Variants in SLC22A23 observed in about 807,000 individuals in gnomAD.
The protein encoded by SLC22A23 is ion transporter protein.
Under a neutral mutation model 61.0 loss-of-function variants are expected in SLC22A23, and 26 were observed. The ratio of observed to expected loss-of-function variants is 0.43; its 90% CI spans 0.31 to 0.59. SLC22A23 has a LOEUF of 0.59. Among genes scored for constraint, SLC22A23 ranks in the 20% least tolerant of loss-of-function variants. The probability of loss-of-function intolerance (pLI) is 0.11; values close to 1 mark genes in which losing one functional copy is unlikely to be tolerated. For missense variants in SLC22A23, 796 were observed against 934.7 expected (o/e 0.85, Z 1.94); for synonymous variants, 430 against 413.9 (o/e 1.04, Z -0.47).
At chr6:3,346,046 C>T (rs1764416844) in intron 3 of SLC22A23, among the ~76,000 whole-genome samples, 1 of 152,158 alleles carries the variant, frequency 6.6e-6, no homozygotes, top group Non-Finnish European at 1.5e-5. Flanking sequence ...AAACAGCTTC[C>T]ACTTCAGCAT....
intron 1 of SLC22A23, among the ~76,000 whole-genome samples, chr6:3,443,397 C>T (rs66847549): frequency 0.15 from 23,041 of 152,102 alleles, 1,988 homozygotes; most frequent in Non-Finnish European, 0.19. Flanking sequence ...ACGGCTCCTT[C>T]CAAGATCCCT....
chr6:3,428,323 C>T (rs1770640966), intron 1 of SLC22A23, among the ~76,000 whole-genome samples: 1 of 152,112 alleles, frequency 6.6e-6, no homozygotes, highest in Non-Finnish European at 1.5e-5. Context: ...TGACAGGCCT[C>T]GGATGGCCAG....
intron 3 of SLC22A23, among the ~76,000 whole-genome samples, chr6:3,381,915 G>A (rs546848417): frequency 6.6e-6 from 1 of 152,206 alleles, no homozygotes; most frequent in African/African-American, 2.4e-5. Flanking sequence ...AGAATGAGAA[G>A]ACTATGAGTG....
At chr6:3,412,234 A>T (rs1168572913) in intron 2 of SLC22A23, among the ~76,000 whole-genome samples, 4 of 152,204 alleles carry the variant, frequency 2.6e-5, no homozygotes, top group African/African-American at 9.7e-5. Context: ...CTGCCTCCCG[A>T]AAAATGGTGG....
In SLC22A23 at chr6:3,298,077, C is replaced by G. The variant is rs142987349; in HGVS notation, c.1210+14G>C. On this transcript the variant is annotated intron_variant, in intron 5 of 9. Transcript: ENST00000406686. ...GGAGCCTCTCTGAGCCCTGCCAGCCCGCGGTGTGCTCACCTGGTATCACAC... is the reference window on the plus strand; with the variant it reads ...GGAGCCTCTCTGAGCCCTGCCAGCCGGCGGTGTGCTCACCTGGTATCACAC... 5.9e-6 allele frequency: 9 copies of G among 1,512,920 alleles called. No homozygotes were observed. The highest frequency in any genetic ancestry group is 7.9e-6 in the Non-Finnish European group (9 of 1,134,412). The allele number at this position is 1,512,920 out of a possible 1,614,324, so 93.7% of individuals were successfully genotyped here.
At chr6:3,336,372 C>G (rs1218053924) in intron 3 of SLC22A23, among the ~76,000 whole-genome samples, 5 of 152,210 alleles carry the variant, frequency 3.3e-5, no homozygotes, top group African/African-American at 1.2e-4. Context: ...TCCCTTTAAT[C>G]CATCTGACAT....
At chr6:3,315,274 C>CG (rs1762573551) in intron 4 of SLC22A23, among the ~76,000 whole-genome samples, 1 of 152,140 alleles carries the variant, frequency 6.6e-6, no homozygotes, top group Admixed American at 6.6e-5. Flanking sequence ...GCAGGGAGGT[C>CG]GGGGGAGCAG....
At position 3,454,428 on chromosome 6, in the gene SLC22A23, C is replaced by T. The variant is rs1484685664; in HGVS notation, c.654+1478G>A. ...TGACCCCAGGACACAGCGCTCTTCA[C>T]ACATACTCACTTTGATCCATTATTC... On this transcript the variant is annotated intron_variant, in intron 1 of 9. Transcript: ENST00000406686. This position sits in a 1 kb window ranked among gnomAD's most constrained non-coding sequence, Gnocchi z 4.3. Among the ~76,000 whole-genome samples the T allele has an allele frequency of 2.0e-5, 3 of 152,226 alleles. No individual in the cohort carries two copies. Among genetic ancestry groups the T allele is most frequent in the Non-Finnish European group, 4.4e-5 (3 of 68,042 alleles).
At chr6:3,393,490 A>C (rs1488957264) in intron 3 of SLC22A23, among the ~76,000 whole-genome samples, 1 of 152,194 alleles carries the variant, frequency 6.6e-6, no homozygotes, top group Non-Finnish European at 1.5e-5. Flanking sequence ...GCAGGTAGAG[A>C]ACATTTGCCT....
chr6:3,421,676 A>T lies in SLC22A23; in HGVS notation c.655-5821T>A, dbSNP rs1036796924. On this transcript the variant is annotated intron_variant, in intron 1 of 9. Transcript: ENST00000406686. ...GACTTTTCCAAACTTTCTACGATGA[A>T]TCTATAAGCCCTCAAATGACAGAAA... Among the ~76,000 whole-genome samples, 4 of 152,226 alleles carry T rather than the reference A, an allele frequency of 2.6e-5. No homozygotes were observed. In the East Asian group the frequency reaches 7.7e-4, roughly 29 times the overall value.
intron 8 of SLC22A23, chr6:3,284,183 C>T: frequency 2.1e-6 from 1 of 469,078 alleles, no homozygotes; most frequent in East Asian, 3.8e-5. Flanking sequence ...TCTATGAGTC[C>T]CTGTGCGTCA....
At chr6:3,455,771 G>A in intron 1 of SLC22A23, 135 bp downstream of exon 1, 1 of 1,106,712 alleles carries the variant, frequency 9.0e-7, no homozygotes, top group South Asian at 1.7e-5. Flanking sequence ...GACGGAAGGA[G>A]ATTAAGCCAA....
intron 4 of SLC22A23, among the ~76,000 whole-genome samples, chr6:3,314,974 T>C (rs145481132): frequency 6.6e-6 from 1 of 152,338 alleles, no homozygotes; most frequent in East Asian, 1.9e-4. Context: ...ATCGTCTTAT[T>C]GCTTTCCCAG....
chr6:3,381,420 C>A (rs1652098439), intron 3 of SLC22A23, among the ~76,000 whole-genome samples: 1 of 152,228 alleles, frequency 6.6e-6, no homozygotes, highest in Non-Finnish European at 1.5e-5. Context: ...GCAGGATCAA[C>A]TAACTACAGG....
At chr6:3,314,975 G>A (rs894236692) in intron 4 of SLC22A23, among the ~76,000 whole-genome samples, 20 of 152,226 alleles carry the variant, frequency 1.3e-4, no homozygotes, top group African/African-American at 4.6e-4. Context: ...TCGTCTTATT[G>A]CTTTCCCAGA....
At chr6:3,300,584 A>G (rs903640892) in intron 4 of SLC22A23, among the ~76,000 whole-genome samples, 3 of 152,218 alleles carry the variant, frequency 2.0e-5, no homozygotes, top group African/African-American at 2.4e-5. Flanking sequence ...CTCAGCCTCC[A>G]GAACTGTGAG....
chr6:3,399,472 G>A (rs182028717), intron 3 of SLC22A23, among the ~76,000 whole-genome samples: 19 of 152,108 alleles, frequency 1.2e-4, no homozygotes, highest in African/African-American at 4.1e-4. Context: ...CAGCCACATC[G>A]CAAACAGGAA....
intron 3 of SLC22A23, among the ~76,000 whole-genome samples, chr6:3,345,465 A>C (rs1185052314): frequency 6.7e-6 from 1 of 149,336 alleles, no homozygotes; most frequent in Admixed American, 6.7e-5. Context: ...TCCTGGGTTC[A>C]AGTGATTCTC....
intron 3 of SLC22A23, among the ~76,000 whole-genome samples, chr6:3,378,657 C>CTTTTTTTTTTTTTTTT (rs574704294): frequency 1.7e-5 from 2 of 119,110 alleles, no homozygotes; most frequent in African/African-American, 3.1e-5. Flanking sequence ...TTTCTTTTTT[C>CTTTTTTTTTTTTTTTT]TTTTTTTTTT....
Sources: gnomAD v4.1 joint callset for allele counts (sites outside exome capture counted in the v4.1 genomes callset) on GRCh38, gnomAD v4.1.1 for gene constraint, Gnocchi (gnomAD v3.1) non-coding constraint, MANE v1.5 for transcripts, NCBI Gene and HGNC (gene_info 2026-07-23, HGNC 2026-07-21) for gene names.